The following FAM153A variants were observed in gnomAD, a reference collection of about 807,000 sequenced individuals.
The protein encoded by FAM153A is protein FAM153A.
In FAM153A, 12 loss-of-function variants were observed where a neutral mutation model predicts 48.1. The ratio of observed to expected loss-of-function variants is 0.25; its 90% CI spans 0.16 to 0.40. The LOEUF (loss-of-function observed/expected upper bound fraction) is 0.40. Ranked by LOEUF, FAM153A falls within the 10% of genes least tolerant of loss-of-function variation. The pLI is 1.00. For synonymous variants in FAM153A, 36 were observed against 118.2 expected (o/e 0.30, Z 4.51); for missense variants, 111 against 345.8 (o/e 0.32, Z 5.38).
At position 177,734,901 on chromosome 5, in the gene FAM153A, T is replaced by C. The variant is rs138170300; in HGVS notation, c.697A>G (p.Ser233Gly). 5.0e-4 allele frequency: 764 copies of C among 1,527,106 alleles called. 29 individuals are homozygous for C. In the African/African-American group the frequency reaches 0.011, roughly 22 times the overall value. 94.6% of individuals were successfully genotyped at this position (1,527,106 alleles called of 1,614,324 possible). A position where few individuals can be genotyped will look rare whatever the true frequency, so the allele number is the denominator to read the frequency against. Residue 233 changes from serine to glycine, a missense_variant, in exon 13 of 21, where the codon AGT becomes GGT. Physicochemically the swap from Ser to Gly is moderately conservative, Grantham distance 56 (BLOSUM62 0). Coordinates refer to ENST00000614127, the Ensembl canonical transcript of FAM153A. ...GGGTCCTCCTCCTCACCGTTGTAAC[T>C]GGACAGCTCCTGAAGTACATCCCTG...
chr5:177,709,605 C>A (rs1268665228), downstream of FAM153A, among the ~76,000 whole-genome samples: 1 of 148,968 alleles, frequency 6.7e-6, no homozygotes, highest in Non-Finnish European at 1.5e-5. Flanking sequence ...TCGTGATTCA[C>A]CCGCCTCGGC....
intron 13 of FAM153A, 98 bp downstream of exon 15, chr5:177,734,765 A>G (rs1764420001): frequency 6.2e-7 from 1 of 1,608,386 alleles, no homozygotes; most frequent in East Asian, 2.2e-5. Flanking sequence ...TGTGTAACTA[A>G]GATATATATC....
chr5:177,725,114 G>GC (rs201293061), intron 18 of FAM153A, among the ~76,000 whole-genome samples: 37,116 of 137,754 alleles, frequency 0.27, 883 homozygotes, highest in South Asian at 0.33. Flanking sequence ...CCAAGAGGCA[G>GC]CGCCCTCTTC....
Position 177,716,964 on chromosome 5 carries a change from AGTGTGTGTGT to A in FAM153A, c.*1151+189_*1151+198del, listed in dbSNP as rs59312087. Among the ~76,000 whole-genome samples, 326 of 127,736 alleles carry A rather than the reference AGTGTGTGTGT, an allele frequency of 2.6e-3. 2 individuals carry two copies. The highest frequency in any genetic ancestry group is 0.022 in the South Asian group (81 of 3,722). 83.8% of individuals were successfully genotyped at this position (127,736 alleles called of 152,430 possible). On this transcript the variant is annotated intron_variant and NMD_transcript_variant, in intron 24 of 26. Transcript: ENST00000360669. ...CAGTAGCATGCCACCATTCCCGCTT[AGTGTGTGTGT>A]GTGTGTGTGTGTGTGTGTGTGTGTG...
intron 18 of FAM153A, among the ~76,000 whole-genome samples, chr5:177,728,609 C>T (rs1305114981): frequency 4.0e-5 from 6 of 149,512 alleles, no homozygotes; most frequent in Non-Finnish European, 8.9e-5. Context: ...CGCTCGTTGC[C>T]CAGGCTGGAG....
chr5:177,699,050 C>T, the FAM153A span, among the ~76,000 whole-genome samples: 1 of 151,750 alleles, frequency 6.6e-6, no homozygotes, highest in Non-Finnish European at 1.5e-5. Flanking sequence ...ATCCTCCTAC[C>T]TCAGCATCCC....
At chr5:177,709,135 A>G (rs1473135415), downstream of FAM153A, among the ~76,000 whole-genome samples, 1 of 139,150 alleles carries the variant, frequency 7.2e-6, no homozygotes, top group Non-Finnish European at 1.5e-5. Flanking sequence ...AAAAAAAAGA[A>G]AGAAAAGCCT....
intron 25 of FAM153A, among the ~76,000 whole-genome samples, chr5:177,716,142 C>G (rs1323805240): frequency 6.6e-6 from 1 of 151,544 alleles, no homozygotes; most frequent in African/African-American, 2.4e-5. Context: ...TGCCACCATG[C>G]TCAGCTAATT....
At chr5:177,757,673 A>G (rs2127707253), upstream of FAM153A, among the ~76,000 whole-genome samples, 1 of 151,670 alleles carries the variant, frequency 6.6e-6, no homozygotes, top group East Asian at 1.9e-4. Flanking sequence ...CTGGTTCAAC[A>G]TACGCAAATC....
Position 177,771,130 on chromosome 5 carries a change from T to G in FAM153A, c.-57+9319A>C, listed in dbSNP as rs560530373. The stretch of plus-strand genomic sequence containing the variant: ...CAGTATAGAAAATACATAAAACAAA[T>G]AAATTCAATTGCAAGCTTAGGCAAG... On this transcript the variant is annotated intron_variant, in intron 1 of 8. Transcript: ENST00000393518. 2.1e-5 allele frequency among the ~76,000 whole-genome samples: 2 copies of G among 97,298 alleles called. 1 individual carries two copies. Among genetic ancestry groups the G allele is most frequent in the Non-Finnish European group, 4.3e-5 (2 of 47,012 alleles). 63.8% of individuals were successfully genotyped at this position (97,298 alleles called of 152,430 possible).
upstream of FAM153A, chr5:177,753,223 C>T: frequency 3.1e-6 from 5 of 1,607,730 alleles, no homozygotes; most frequent in Non-Finnish European, 3.4e-6. Context: ...TCCTCTGAGA[C>T]AACTAAGCTG....
At chr5:177,708,227 C>G (rs1758027998), downstream of FAM153A, 1 of 150,816 alleles carries the variant, frequency 6.6e-6, no homozygotes, top group African/African-American at 2.5e-5. Flanking sequence ...CCATTGACAT[C>G]ACTGGTTTCA....
At chr5:177,709,673 T>G (rs1179097562), downstream of FAM153A, among the ~76,000 whole-genome samples, 16 of 120,942 alleles carry the variant, frequency 1.3e-4, no homozygotes, top group Admixed American at 2.4e-4. Context: ...GTTTTTTTTT[T>G]GTTTTTTTTT....
upstream of FAM153A, among the ~76,000 whole-genome samples, chr5:177,756,202 C>G (rs375053804): frequency 1.7e-4 from 26 of 150,334 alleles, no homozygotes; most frequent in East Asian, 3.3e-3. Context: ...TCTGATAAAA[C>G]AGACTTTAAA....
chr5:177,709,869 G>A (rs1265512842), downstream of FAM153A, among the ~76,000 whole-genome samples: 25 of 120,696 alleles, frequency 2.1e-4, no homozygotes, highest in African/African-American at 7.8e-4. Flanking sequence ...CGCCATGTTC[G>A]GCAGGCTGGT....
downstream of FAM153A, among the ~76,000 whole-genome samples, chr5:177,705,937 C>A (rs910127025): frequency 9.9e-5 from 15 of 151,582 alleles, no homozygotes; most frequent in African/African-American, 3.6e-4. Flanking sequence ...GGATTATAGG[C>A]GTGAGCCACC....
intron 9 of FAM153A, 49 bp from the exon 12 acceptor site, chr5:177,739,186 C>A: frequency 6.2e-7 from 1 of 1,602,092 alleles, no homozygotes; most frequent in Non-Finnish European, 8.5e-7. Flanking sequence ...CATGCTGTCT[C>A]TGTGCACAGG....
chr5:177,702,085 T>A, the FAM153A span, among the ~76,000 whole-genome samples: 1 of 151,770 alleles, frequency 6.6e-6, no homozygotes, highest in African/African-American at 2.4e-5. Flanking sequence ...TTTTTTTGTA[T>A]TTTTAGTAGA....
chr5:177,707,604 G>A (rs1318597738), downstream of FAM153A, among the ~76,000 whole-genome samples: 3 of 151,126 alleles, frequency 2.0e-5, no homozygotes, highest in Admixed American at 2.0e-4. Context: ...AGGGAAAGGT[G>A]ACGTCCCTGA....
Sources: allele counts gnomAD v4.1 joint callset (sites outside exome capture counted in the v4.1 genomes callset), GRCh38; gene constraint gnomAD v4.1.1; transcripts MANE v1.5; gene names NCBI Gene and HGNC (gene_info 2026-07-23, HGNC 2026-07-21).